TAOK3: variants seen among roughly 807,000 people sequenced by gnomAD.
TAOK3 encodes serine/threonine-protein kinase TAO3.
In TAOK3, 40 loss-of-function variants were observed where a neutral mutation model predicts 120.4. That is an observed-to-expected ratio of 0.33 (90% CI 0.26 to 0.43). TAOK3 has a LOEUF of 0.43. Ranked by LOEUF, TAOK3 falls within the 20% of genes least tolerant of loss-of-function variation. TAOK3 has a pLI of 1.00. For missense variants in TAOK3, 821 were observed against 1,112.1 expected (o/e 0.74, Z 3.72); for synonymous variants, 355 against 387.5 (o/e 0.92, Z 0.99).
chr12:118,190,043 A>G, intron 13 of TAOK3, 102 bp from the exon 14 acceptor site: 1 of 1,489,046 alleles, frequency 6.7e-7, no homozygotes, highest in Non-Finnish European at 9.2e-7. Context: ...GCTGTTTGAA[A>G]TGCATAGTTT....
intron 7 of TAOK3, among the ~76,000 whole-genome samples, chr12:118,236,883 A>G (rs1593254994): frequency 6.6e-6 from 1 of 152,166 alleles, no homozygotes; most frequent in Admixed American, 6.5e-5. Context: ...TTTACATACT[A>G]AAGAAGATAA....
At chr12:118,174,812 C>T (rs941769582) in intron 16 of TAOK3, among the ~76,000 whole-genome samples, 6 of 151,958 alleles carry the variant, frequency 3.9e-5, no homozygotes, top group African/African-American at 7.2e-5. Context: ...TACAGGCGCC[C>T]GCCATCAAGC....
chr12:118,212,744 G>A (rs995481517), intron 11 of TAOK3, among the ~76,000 whole-genome samples, 170 bp downstream of exon 11: 1 of 152,102 alleles, frequency 6.6e-6, no homozygotes, highest in Non-Finnish European at 1.5e-5. Flanking sequence ...AGCACATAAC[G>A]TTGCAATAAT....
intron 1 of TAOK3, among the ~76,000 whole-genome samples, chr12:118,316,740 A>G (rs1024025302): frequency 6.6e-6 from 1 of 152,054 alleles, no homozygotes; most frequent in Admixed American, 6.6e-5. Context: ...TATCCAGAAA[A>G]CCCTAAATAA....
intron 1 of TAOK3, among the ~76,000 whole-genome samples, chr12:118,326,274 C>A (rs2043931220): frequency 2.0e-5 from 3 of 152,098 alleles, no homozygotes; most frequent in Admixed American, 2.0e-4. Flanking sequence ...ATCCTTTCTC[C>A]AATGTATTTT....
At chr12:118,351,471 T>C (rs922122609) in intron 1 of TAOK3, among the ~76,000 whole-genome samples, 6 of 152,214 alleles carry the variant, frequency 3.9e-5, no homozygotes, top group African/African-American at 9.6e-5. Context: ...GCTGCATCTA[T>C]AGCCAAGCAT....
chr12:118,371,068 T>C lies in TAOK3; in HGVS notation c.-194+1580A>G, dbSNP rs963189923. Among the ~76,000 whole-genome samples, 2 of 152,226 alleles carry C rather than the reference T, an allele frequency of 1.3e-5. No individual in the cohort carries two copies. The highest frequency in any genetic ancestry group is 2.9e-5 in the Non-Finnish European group (2 of 68,044). ...AACAGTCCAGATTCCAAACCTAGTATAGTTCCTTTAAATCTGCATTGTAAA... is the reference window on the plus strand; with the variant it reads ...AACAGTCCAGATTCCAAACCTAGTACAGTTCCTTTAAATCTGCATTGTAAA... On this transcript the variant is annotated intron_variant, in intron 1 of 20. Transcript: ENST00000392533. The surrounding 1 kb of genome is among the most constrained non-coding windows in gnomAD (Gnocchi z 5.5).
intron 1 of TAOK3, among the ~76,000 whole-genome samples, chr12:118,348,692 C>T (rs1325739278): frequency 6.6e-6 from 1 of 152,080 alleles, no homozygotes. Flanking sequence ...CCTCTTGATC[C>T]ACCCGTCTCA....
At chr12:118,299,437 G>T (rs952656045) in intron 1 of TAOK3, among the ~76,000 whole-genome samples, 1 of 151,984 alleles carries the variant, frequency 6.6e-6, no homozygotes, top group Non-Finnish European at 1.5e-5. Flanking sequence ...ATGGGTCTAC[G>T]GTACTTAAGG....
chr12:118,165,355 T>G (rs1236721845), intron 17 of TAOK3, among the ~76,000 whole-genome samples: 1 of 152,132 alleles, frequency 6.6e-6, no homozygotes, highest in Non-Finnish European at 1.5e-5. Context: ...AATTGAGAAA[T>G]GCAAACTGAG....
At position 118,243,404 on chromosome 12, in the gene TAOK3, C is replaced by T; in HGVS notation, c.294+11G>A. 6.8e-7 allele frequency: 1 copy of T among 1,472,570 alleles called. No homozygotes were observed. The highest frequency in any genetic ancestry group is 1.2e-5 in the South Asian group (1 of 82,502). The allele number at this position is 1,472,570 out of a possible 1,614,324, so 91.2% of individuals were successfully genotyped here. A position where few individuals can be genotyped will look rare whatever the true frequency, so the allele number is the denominator to read the frequency against. On this transcript the variant is annotated intron_variant, in intron 5 of 20. Coordinates refer to ENST00000392533, the MANE Select transcript of TAOK3 (RefSeq NM_016281.4). ...GTAATAGTAAAAGATAATAGAGGTC[C>T]TTCGACTTACCCAAGCAGTGTGTTC...
chr12:118,195,395 T>C (rs2037663262), intron 13 of TAOK3, among the ~76,000 whole-genome samples: 3 of 152,162 alleles, frequency 2.0e-5, no homozygotes, highest in Admixed American at 2.0e-4. Flanking sequence ...CTATACACAA[T>C]GATTTTAAGG....
chr12:118,342,397 T>C (rs1162391243), intron 1 of TAOK3, among the ~76,000 whole-genome samples: 1 of 152,216 alleles, frequency 6.6e-6, no homozygotes, highest in Non-Finnish European at 1.5e-5. Context: ...AATATTTCCT[T>C]TGACATGTTG....
intron 9 of TAOK3, among the ~76,000 whole-genome samples, chr12:118,216,725 G>A (rs1167249959): frequency 1.3e-5 from 2 of 151,940 alleles, no homozygotes; most frequent in Non-Finnish European, 2.9e-5. Flanking sequence ...TCAGGAGATC[G>A]AGACCATCCT....
At chr12:118,252,886 C>T (rs577638678) in intron 3 of TAOK3, among the ~76,000 whole-genome samples, 4 of 151,886 alleles carry the variant, frequency 2.6e-5, no homozygotes, top group Admixed American at 6.6e-5. Context: ...CCACCATGTC[C>T]GGCTAAGTTT....
chr12:118,339,219 C>A (rs931640243), intron 1 of TAOK3, among the ~76,000 whole-genome samples: 2 of 150,362 alleles, frequency 1.3e-5, no homozygotes, highest in Admixed American at 1.3e-4. Context: ...AAGAGACAAG[C>A]TGAGAAACCA....
At position 118,246,269 on chromosome 12, in the gene TAOK3, C is replaced by T. The variant is rs969681350; in HGVS notation, c.121-1304G>A. ...AGGCCGAGGATAAGGAGTGGATGCC[C>T]GTCACCAAGTTGGGCCGCTTGGTCA... On this transcript the variant is annotated intron_variant, in intron 3 of 20. Coordinates refer to ENST00000392533, the MANE Select transcript of TAOK3 (RefSeq NM_016281.4). 13 of 1,508,268 alleles carry T rather than the reference C, an allele frequency of 8.6e-6. No homozygotes were observed. The East Asian group carries it at 1.4e-4, about 16-fold the overall frequency. The allele number at this position is 1,508,268 out of a possible 1,614,324, so 93.4% of individuals were successfully genotyped here.
At chr12:118,235,861 G>A (rs1427979784) in intron 7 of TAOK3, 190 bp from the exon 8 acceptor site, 2 of 511,284 alleles carry the variant, frequency 3.9e-6, no homozygotes, top group South Asian at 2.6e-5. Flanking sequence ...AGATTCCTGG[G>A]TGTACTTGCA....
Position 118,362,610 on chromosome 12 carries a change from TG to T in TAOK3, c.-194+10037del, listed in dbSNP as rs536132140. ...GATCACACAGTAAGAAAAATTGCTT[TG>T]GAAGACCAGAGTGCTAAGCCTCCCT... On this transcript the variant is annotated intron_variant, in intron 1 of 20. Coordinates refer to ENST00000392533, the MANE Select transcript of TAOK3 (RefSeq NM_016281.4). Among the ~76,000 whole-genome samples the T allele has an allele frequency of 1.8e-4, 27 of 152,286 alleles. No homozygotes were observed. The South Asian group carries it at 5.6e-3, about 32-fold the overall frequency.
Sources: allele counts gnomAD v4.1 joint callset (sites outside exome capture counted in the v4.1 genomes callset), GRCh38; gene constraint gnomAD v4.1.1; non-coding constraint Gnocchi (gnomAD v3.1); transcripts MANE v1.5; gene names NCBI Gene and HGNC (gene_info 2026-07-23, HGNC 2026-07-21).